The following JADE1 variants were observed in gnomAD, a reference collection of about 807,000 sequenced individuals.
The protein encoded by JADE1 is jade family PHD finger 1.
A neutral mutation model predicts 81.8 loss-of-function variants in JADE1; 14 were observed. That is an observed-to-expected ratio of 0.17 (90% CI 0.11 to 0.27). JADE1 has a LOEUF of 0.27. JADE1 is among the 10% of genes least tolerant of loss of function. The pLI is 1.00. For synonymous variants in JADE1, 353 were observed against 391.9 expected (o/e 0.90, Z 1.17); for missense variants, 690 against 1,047.9 (o/e 0.66, Z 4.71).
intron 1 of JADE1, among the ~76,000 whole-genome samples, chr4:128,831,060 C>T (rs1032758687): frequency 3.3e-5 from 5 of 152,178 alleles, no homozygotes; most frequent in African/African-American, 1.2e-4. Flanking sequence ...ATTCCCACAA[C>T]GTGACCTTGG....
intron 1 of JADE1, among the ~76,000 whole-genome samples, chr4:128,815,197 T>TACGC (rs1726915083): frequency 2.7e-5 from 1 of 37,076 alleles, no homozygotes; most frequent in South Asian, 1.6e-3. Context: ...GCCTCGCGGG[T>TACGC]TCACGCCATT....
Position 128,871,716 on chromosome 4 carries a change from C to G in JADE1, c.1983C>G (p.Asp661Glu), listed in dbSNP as rs769709335. ...TGCCAGACCATGGGAAAAGAAGAGA[C>G]AATCGTTTTCATTGTGATCTCATTA... ...VVMPDHGKRR[D>E]NRFHCDLIKG... The change falls in exon 11 of 11, where the codon GAC becomes GAG. Residue 661 changes from aspartate (D) to glutamate (E), a missense_variant. Around this residue, in one of 8 missense-constraint regions of JADE1, gnomAD observed 218 missense variants for 274.3 expected, o/e 0.79. Coordinates refer to ENST00000226319, the MANE Select transcript of JADE1 (RefSeq NM_199320.4). The surrounding 1 kb of genome is among the most constrained non-coding windows in gnomAD (Gnocchi z 4.1). 1.9e-6 allele frequency: 3 copies of G among 1,614,132 alleles called. No individual in the cohort carries two copies. Among genetic ancestry groups the G allele is most frequent in the Admixed American group, 1.7e-5 (1 of 60,016 alleles).
chr4:128,811,496 G>T (rs1314128453), intron 1 of JADE1: 4 of 151,946 alleles, frequency 2.6e-5, no homozygotes, highest in Admixed American at 2.6e-4. Context: ...GGTGGCCCCG[G>T]GGCCAACTTT....
chr4:128,852,917 T>G (rs1290890334), intron 6 of JADE1, among the ~76,000 whole-genome samples: 1 of 150,872 alleles, frequency 6.6e-6, no homozygotes, highest in Non-Finnish European at 1.5e-5. Flanking sequence ...CATGGTGGTC[T>G]TCTTTTTTTT....
At chr4:128,856,677 T>C (rs948600434) in intron 7 of JADE1, among the ~76,000 whole-genome samples, 1 of 152,256 alleles carries the variant, frequency 6.6e-6, no homozygotes, top group African/African-American at 2.4e-5. Flanking sequence ...GAATATAATT[T>C]GCTATTCAAA....
At chr4:128,857,137 C>T (rs1181006444) in intron 7 of JADE1, among the ~76,000 whole-genome samples, 11 of 152,146 alleles carry the variant, frequency 7.2e-5, no homozygotes, top group African/African-American at 2.7e-4. Flanking sequence ...GGATGTCTGT[C>T]AGATGGGGAC....
At chr4:128,853,372 T>G (rs1324180909) in intron 6 of JADE1, among the ~76,000 whole-genome samples, 1 of 152,208 alleles carries the variant, frequency 6.6e-6, no homozygotes, top group African/African-American at 2.4e-5. Context: ...TTTGTGAGCA[T>G]GTGTTAGGGT....
chr4:128,833,120 A>G (rs1486984979), intron 2 of JADE1, among the ~76,000 whole-genome samples: 2 of 152,118 alleles, frequency 1.3e-5, no homozygotes, highest in African/African-American at 4.8e-5. Context: ...CTTTCCTCTT[A>G]TTTCAGAGAA....
chr4:128,829,963 C>T (rs970353035), intron 1 of JADE1, among the ~76,000 whole-genome samples: 9 of 151,638 alleles, frequency 5.9e-5, no homozygotes, highest in South Asian at 2.1e-4. Flanking sequence ...TTCCAACCTC[C>T]GCCTCCCGGG....
intron 1 of JADE1, among the ~76,000 whole-genome samples, chr4:128,822,979 A>G (rs1727721705): frequency 6.6e-6 from 1 of 152,120 alleles, no homozygotes; most frequent in Non-Finnish European, 1.5e-5. Flanking sequence ...TGTCTTGGGC[A>G]TCTTTCCACA....
chr4:128,821,204 G>C (rs1457185378), intron 1 of JADE1, among the ~76,000 whole-genome samples: 4 of 152,178 alleles, frequency 2.6e-5, no homozygotes, highest in Non-Finnish European at 5.9e-5. Flanking sequence ...ATTCTGAAGA[G>C]ATTAATCTGA....
At chr4:128,838,962 T>C (rs1579159887) in intron 2 of JADE1, among the ~76,000 whole-genome samples, 1 of 152,330 alleles carries the variant, frequency 6.6e-6, no homozygotes, top group Non-Finnish European at 1.5e-5. Context: ...TGCTTTATTT[T>C]CCTTGAGCTC....
chr4:128,859,394 CGT>C (rs1237264020), intron 8 of JADE1, among the ~76,000 whole-genome samples: 2 of 151,052 alleles, frequency 1.3e-5, no homozygotes, highest in African/African-American at 2.4e-5. Flanking sequence ...AGTATGCATG[CGT>C]GAGTGCGTAT....
intron 7 of JADE1, among the ~76,000 whole-genome samples, chr4:128,856,221 A>C (rs1270694432): frequency 6.6e-6 from 1 of 152,224 alleles, no homozygotes; most frequent in African/African-American, 2.4e-5. Context: ...CATTGCAGCT[A>C]TGAGTAAAAA....
chr4:128,862,356 G>A, intron 9 of JADE1, 131 bp downstream of exon 9: 3 of 1,463,588 alleles, frequency 2.0e-6, no homozygotes, highest in Non-Finnish European at 2.7e-6. Flanking sequence ...GCATGAGGTT[G>A]TGTTGGTTAA....
rs959496624 is a variant in JADE1, at chr4:128,874,123, T to G, written c.*1861T>G. On this transcript the variant is annotated 3_prime_UTR_variant, in exon 11 of 11. Coordinates refer to ENST00000226319, the MANE Select transcript of JADE1 (RefSeq NM_199320.4). ...TGCTGCAGATAATAGAAGGTTCTTA[T>G]GAATCCAAGTTGTATATTCACTTGT... The G allele has an allele frequency of 2.0e-5, 3 of 152,666 alleles. No homozygotes were observed. The highest frequency in any genetic ancestry group is 7.2e-5 in the African/African-American group (3 of 41,456). The allele number at this position is 152,666 out of a possible 1,614,324, so 9.5% of individuals were successfully genotyped here.
Position 128,857,435 on chromosome 4 carries a change from A to T in JADE1, c.962A>T (p.Lys321Met), listed in dbSNP as rs760628813. 2 of 1,613,834 alleles carry T rather than the reference A, an allele frequency of 1.2e-6. No homozygotes were observed. Among genetic ancestry groups the T allele is most frequent in the Non-Finnish European group, 1.7e-6 (2 of 1,179,872 alleles). Residue 321 changes from lysine (K) to methionine (M), a missense_variant, in exon 8 of 11, where the codon AAG becomes ATG. Lys to Met is a moderately conservative substitution (Grantham distance 95). Around this residue, in one of 8 missense-constraint regions of JADE1, gnomAD observed 84 missense variants for 226.6 expected, o/e 0.37. Coordinates refer to ENST00000226319, the MANE Select transcript of JADE1 (RefSeq NM_199320.4). ...CTAGTGTGCAGCCTCTGCAATGAGA[A>T]GTTTGGGGCCTCTATACAGGTAATT... ...WALVCSLCNE[K>M]FGASIQCSVK...
At position 128,874,853 on chromosome 4, in the gene JADE1, T is replaced by C. The variant is rs144093252; in HGVS notation, c.*2591T>C. 3.3e-5 allele frequency: 5 copies of C among 152,770 alleles called. No individual in the cohort carries two copies. Among genetic ancestry groups the C allele is most frequent in the African/African-American group, 1.2e-4 (5 of 41,582 alleles). 9.5% of individuals were successfully genotyped at this position (152,770 alleles called of 1,614,324 possible). A position where few individuals can be genotyped will look rare whatever the true frequency, so the allele number is the denominator to read the frequency against. On this transcript the variant is annotated 3_prime_UTR_variant, in exon 11 of 11. Transcript: ENST00000226319. ...TTGTAAAGTTGCCTGGAATGTCATTTGTTAGGTTATAAACACAAGATCTAA... is the reference window on the plus strand; with the variant it reads ...TTGTAAAGTTGCCTGGAATGTCATTCGTTAGGTTATAAACACAAGATCTAA...
chr4:128,847,788 A>C (rs72683616), intron 4 of JADE1, among the ~76,000 whole-genome samples: 5,930 of 152,284 alleles, frequency 0.039, 152 homozygotes, highest in African/African-American at 0.056. Context: ...TGTCCATGTC[A>C]GTGTCACGTA....
Sources: allele counts gnomAD v4.1 joint callset (sites outside exome capture counted in the v4.1 genomes callset), GRCh38; gene constraint gnomAD v4.1.1; regional missense constraint gnomAD v4.1.1; non-coding constraint Gnocchi (gnomAD v3.1); transcripts MANE v1.5; gene names NCBI Gene and HGNC (gene_info 2026-07-23, HGNC 2026-07-21).